The following ANKS1B variants were observed in gnomAD, a reference collection of about 807,000 sequenced individuals.
ANKS1B encodes the protein ankyrin repeat and sterile alpha motif domain-containing protein 1B.
A neutral mutation model predicts 148.3 loss-of-function variants in ANKS1B; 36 were observed. That is an observed-to-expected ratio of 0.24 (90% CI 0.19 to 0.32). The LOEUF (loss-of-function observed/expected upper bound fraction) is 0.32. Among genes scored for constraint, ANKS1B ranks in the 10% least tolerant of loss-of-function variants. The probability of loss-of-function intolerance (pLI) is 1.00; values close to 1 mark genes in which losing one functional copy is unlikely to be tolerated. For missense variants in ANKS1B, 1,157 were observed against 1,542.6 expected (o/e 0.75, Z 4.19); for synonymous variants, 542 against 560.8 (o/e 0.97, Z 0.47).
At chr12:99,106,553 T>A (rs2059260608) in intron 15 of ANKS1B, among the ~76,000 whole-genome samples, 1 of 152,238 alleles carries the variant, frequency 6.6e-6, no homozygotes, top group Non-Finnish European at 1.5e-5. Context: ...CTTTTAAAGT[T>A]GTCGGTTTCT....
chr12:99,301,477 T>C (rs2081599933), intron 12 of ANKS1B, among the ~76,000 whole-genome samples: 1 of 152,214 alleles, frequency 6.6e-6, no homozygotes, highest in South Asian at 2.1e-4. Context: ...TGTATTATAA[T>C]GCATTTAGTG....
chr12:99,967,827 A>AGGC (rs2095504515), intron 1 of ANKS1B, among the ~76,000 whole-genome samples: 1 of 151,264 alleles, frequency 6.6e-6, no homozygotes, highest in Admixed American at 6.6e-5. Flanking sequence ...GAATCGCTTG[A>AGGC]ACCCAGGAGG....
chr12:99,828,388 C>G (rs1413558973), intron 1 of ANKS1B, among the ~76,000 whole-genome samples: 5 of 152,152 alleles, frequency 3.3e-5, no homozygotes, highest in Non-Finnish European at 7.3e-5. Context: ...GCACACCATT[C>G]AAAGGCCTAC....
chr12:99,168,885 TGTC>T (rs1166511504), intron 14 of ANKS1B, among the ~76,000 whole-genome samples: 1 of 152,232 alleles, frequency 6.6e-6, no homozygotes, highest in African/African-American at 2.4e-5. Flanking sequence ...TTCAGGACAC[TGTC>T]TGAAAACTGT....
At chr12:99,730,325 G>C (rs1158952386) in intron 8 of ANKS1B, among the ~76,000 whole-genome samples, 1 of 88,888 alleles carries the variant, frequency 1.1e-5, no homozygotes, top group Non-Finnish European at 2.6e-5. Flanking sequence ...AAGTCAAGTT[G>C]AGTCAAGGCT....
At chr12:99,573,092 T>G (rs2097478549) in intron 9 of ANKS1B, among the ~76,000 whole-genome samples, 1 of 152,088 alleles carries the variant, frequency 6.6e-6, no homozygotes, top group Non-Finnish European at 1.5e-5. Context: ...GGTTAGTTGT[T>G]AAGTTTCTCA....
intron 8 of ANKS1B, among the ~76,000 whole-genome samples, chr12:99,736,577 G>A (rs879319515): frequency 6.6e-6 from 1 of 151,920 alleles, no homozygotes; most frequent in Non-Finnish European, 1.5e-5. Context: ...ACAAAACACT[G>A]ATAAAAGAAA....
At chr12:99,507,938 C>G (rs1488118666) in intron 9 of ANKS1B, among the ~76,000 whole-genome samples, 2 of 151,834 alleles carry the variant, frequency 1.3e-5, no homozygotes, top group Admixed American at 1.3e-4. Flanking sequence ...CAATTTTACC[C>G]TTTTTCCTCC....
chr12:99,055,722 G>GC (rs1555196665), intron 16 of ANKS1B, among the ~76,000 whole-genome samples: 4 of 9,184 alleles, frequency 4.4e-4, no homozygotes, highest in African/African-American at 8.1e-4. Flanking sequence ...GTCTAAACTT[G>GC]GGGGGGGGGG....
At chr12:99,685,165 A>T (rs1243928684) in intron 8 of ANKS1B, among the ~76,000 whole-genome samples, 1 of 152,180 alleles carries the variant, frequency 6.6e-6, no homozygotes, top group Non-Finnish European at 1.5e-5. Flanking sequence ...AATCATCACA[A>T]ACTATGCATC....
chr12:99,302,341 A>C (rs1433605307), intron 12 of ANKS1B, among the ~76,000 whole-genome samples: 1 of 152,198 alleles, frequency 6.6e-6, no homozygotes, highest in Non-Finnish European at 1.5e-5. Context: ...CTCTCCTCCC[A>C]GGAACACATG....
chr12:99,724,421 C>G lies in ANKS1B; in HGVS notation c.1128+48501G>C, dbSNP rs547088895. Among the ~76,000 whole-genome samples, 9 of 152,172 alleles carry G rather than the reference C, an allele frequency of 5.9e-5. 2 individuals carry two copies. The highest frequency in any genetic ancestry group is 2.1e-4 in the South Asian group (1 of 4,818). ...AAGTATATCTGAGTTTGAAGACCAC[C>G]TTGCTGAAATAAGGCATGCAGACAA... is the stretch of plus-strand genomic sequence containing the variant. On this transcript the variant is annotated intron_variant, in intron 8 of 26. Coordinates refer to ENST00000683438, the MANE Select transcript of ANKS1B (RefSeq NM_001352186.2).
intron 14 of ANKS1B, among the ~76,000 whole-genome samples, chr12:99,194,440 TAG>T (rs1238603733): frequency 2.6e-5 from 4 of 151,866 alleles, no homozygotes; most frequent in Admixed American, 1.3e-4. Flanking sequence ...ATTTTAAAAA[TAG>T]AGTTTCATAT....
rs145538829 is a variant in ANKS1B, at chr12:99,541,089, G to A, written c.1273-36448C>T. On this transcript the variant is annotated intron_variant, in intron 9 of 26. Coordinates refer to ENST00000683438, the MANE Select transcript of ANKS1B (RefSeq NM_001352186.2). ...CTTAAGAAAAAATAAAAATATCTGC[G>A]TAGACCTATAACAAGTAAGAGATTG... Among the ~76,000 whole-genome samples the A allele has an allele frequency of 1.8e-3, 277 of 152,100 alleles. 1 individual carries two copies. The highest frequency in any genetic ancestry group is 6.0e-3 in the African/African-American group (250 of 41,522).
At chr12:98,924,528 C>CG (rs1462581502) in intron 17 of ANKS1B, among the ~76,000 whole-genome samples, 1 of 151,962 alleles carries the variant, frequency 6.6e-6, no homozygotes, top group African/African-American at 2.4e-5. Flanking sequence ...AAGCCACCCT[C>CG]TGTCTCTCTT....
chr12:99,451,252 GTTTAT>G (rs568739017), intron 10 of ANKS1B, among the ~76,000 whole-genome samples: 227 of 152,146 alleles, frequency 1.5e-3, no homozygotes, highest in African/African-American at 4.9e-3. Context: ...AATACTTATA[GTTTAT>G]TTTATCTTTT....
chr12:99,080,502 C>A (rs1434864388), intron 16 of ANKS1B, among the ~76,000 whole-genome samples: 1 of 152,140 alleles, frequency 6.6e-6, no homozygotes. Context: ...ACAGCGTGAG[C>A]ATACAATATA....
intron 8 of ANKS1B, among the ~76,000 whole-genome samples, chr12:99,663,244 C>T (rs1329834717): frequency 1.3e-5 from 2 of 152,174 alleles, no homozygotes; most frequent in Non-Finnish European, 2.9e-5. Flanking sequence ...AAGGAACAGA[C>T]TCAACCATCT....
chr12:99,264,292 C>T (rs1482310906), intron 12 of ANKS1B, among the ~76,000 whole-genome samples: 1 of 152,044 alleles, frequency 6.6e-6, no homozygotes, highest in Non-Finnish European at 1.5e-5. Flanking sequence ...CTATCATATG[C>T]ATATTGGATC....
Sources: allele counts gnomAD v4.1 joint callset (sites outside exome capture counted in the v4.1 genomes callset), GRCh38; gene constraint gnomAD v4.1.1; transcripts MANE v1.5; gene names NCBI Gene and HGNC (gene_info 2026-07-23, HGNC 2026-07-21).